PCDHA8: variants seen among roughly 807,000 people sequenced by gnomAD.
PCDHA8 encodes the protein protocadherin alpha 8, also known as protocadherin alpha-8.
A neutral mutation model predicts 61.8 loss-of-function variants in PCDHA8; 53 were observed. That is an observed-to-expected ratio of 0.86 (90% CI 0.69 to 1.08). PCDHA8 has a LOEUF of 1.08. Among genes scored for constraint, PCDHA8 ranks in the 50% least tolerant of loss-of-function variants. PCDHA8 has a pLI of 0.00. For missense variants in PCDHA8, 1,293 were observed against 1,245.0 expected, an observed-to-expected ratio of 1.04 and a Z score of -0.58; for synonymous variants, 618 against 556.6, an observed-to-expected ratio of 1.11 and a Z score of -1.55.
intron 1 of PCDHA8, chr5:140,926,333 C>G (rs1244364456): frequency 6.6e-6 from 1 of 152,288 alleles, no homozygotes; most frequent in Non-Finnish European, 1.5e-5. Context: ...GGTCAGAGCG[C>G]CGGGACCCGA....
chr5:140,875,335 C>A, intron 1 of PCDHA8: 2 of 1,438,768 alleles, frequency 1.4e-6, no homozygotes, highest in East Asian at 2.5e-5. Context: ...GGAATAGGAT[C>A]GACTCCATAA....
At chr5:140,898,133 G>T (rs2153459320) in intron 1 of PCDHA8, among the ~76,000 whole-genome samples, 1 of 152,202 alleles carries the variant, frequency 6.6e-6, no homozygotes, top group African/African-American at 2.4e-5. Flanking sequence ...CTCCCATTTT[G>T]TAGGTTGCCT....
intron 1 of PCDHA8, among the ~76,000 whole-genome samples, chr5:140,940,057 A>G (rs2092538975): frequency 6.6e-6 from 1 of 152,224 alleles, no homozygotes; most frequent in African/African-American, 2.4e-5. Flanking sequence ...TTCTTAACCA[A>G]ATATAAATAT....
At chr5:140,877,041 A>G (rs782570873) in intron 1 of PCDHA8, 15 of 1,612,586 alleles carry the variant, frequency 9.3e-6, no homozygotes, top group African/African-American at 4.0e-5. Context: ...TGCAGCCGCT[A>G]GACCACGAGG....
chr5:140,997,713 T>C (rs2097782364), intron 3 of PCDHA8, among the ~76,000 whole-genome samples: 1 of 151,942 alleles, frequency 6.6e-6, no homozygotes, highest in African/African-American at 2.4e-5. Flanking sequence ...AACAAACACC[T>C]TTCTACGTCA....
At chr5:140,983,734 G>A (rs1194473513) in intron 3 of PCDHA8, among the ~76,000 whole-genome samples, 15 of 152,170 alleles carry the variant, frequency 9.9e-5, no homozygotes, top group African/African-American at 3.4e-4. Context: ...TAACATGGCT[G>A]GCTTGCAATA....
intron 3 of PCDHA8, among the ~76,000 whole-genome samples, chr5:140,987,487 C>A (rs868928905): frequency 6.6e-6 from 1 of 152,154 alleles, no homozygotes; most frequent in Non-Finnish European, 1.5e-5. Flanking sequence ...GTCAGTGACC[C>A]TTTCTGAATT....
intron 1 of PCDHA8, among the ~76,000 whole-genome samples, chr5:140,947,509 T>C (rs1358803536): frequency 2.6e-5 from 4 of 151,722 alleles, no homozygotes; most frequent in Non-Finnish European, 4.4e-5. Flanking sequence ...AATTTTCATA[T>C]AAATTTTAGA....
intron 1 of PCDHA8, chr5:140,849,218 G>T: frequency 9.6e-7 from 1 of 1,040,734 alleles, no homozygotes; most frequent in South Asian, 1.6e-5. Context: ...ATGCCCCAGT[G>T]TTCGACAGAA....
chr5:140,917,450 G>A (rs1220183879), intron 1 of PCDHA8, among the ~76,000 whole-genome samples: 2 of 152,010 alleles, frequency 1.3e-5, no homozygotes, highest in Non-Finnish European at 2.9e-5. Context: ...CTGCAAGAGC[G>A]TTTGGCATCT....
intron 2 of PCDHA8, among the ~76,000 whole-genome samples, chr5:140,981,175 T>C (rs1350828084): frequency 6.6e-6 from 1 of 152,238 alleles, no homozygotes; most frequent in African/African-American, 2.4e-5. Context: ...TTCCCTCTAA[T>C]AGTTCAAGTT....
intron 1 of PCDHA8, chr5:140,852,649 T>C (rs1206238129): frequency 3.1e-6 from 3 of 960,206 alleles, no homozygotes; most frequent in African/African-American, 3.6e-5. Context: ...TAAACCTATC[T>C]ATATCTGTCT....
chr5:140,896,389 G>C (rs2065520134), intron 1 of PCDHA8, among the ~76,000 whole-genome samples: 1 of 152,124 alleles, frequency 6.6e-6, no homozygotes, highest in East Asian at 1.9e-4. Flanking sequence ...AACCTCACCA[G>C]CATCTGTTAT....
chr5:140,981,603 C>T (rs1213864255), intron 2 of PCDHA8, among the ~76,000 whole-genome samples: 4 of 152,052 alleles, frequency 2.6e-5, no homozygotes, highest in Non-Finnish European at 5.9e-5. Context: ...CAAAATGTTC[C>T]TCTAATTTTG....
intron 1 of PCDHA8, chr5:140,857,485 G>C (rs1554150101): frequency 6.3e-7 from 1 of 1,598,368 alleles, no homozygotes; most frequent in Non-Finnish European, 8.6e-7. Context: ...TGTCTGCGTG[G>C]GACGCGGACG....
intron 3 of PCDHA8, among the ~76,000 whole-genome samples, chr5:141,003,468 C>T (rs2098126270): frequency 6.6e-6 from 1 of 152,066 alleles, no homozygotes; most frequent in Non-Finnish European, 1.5e-5. Context: ...TGCACCACCA[C>T]AGTCTCGCTA....
intron 3 of PCDHA8, among the ~76,000 whole-genome samples, chr5:140,989,611 A>G (rs2097350612): frequency 6.6e-6 from 1 of 152,232 alleles, no homozygotes. Flanking sequence ...ACTAAAAATG[A>G]AAGTCTGTCC....
intron 2 of PCDHA8, among the ~76,000 whole-genome samples, chr5:140,981,645 A>G (rs2096941816): frequency 6.6e-6 from 1 of 152,126 alleles, no homozygotes; most frequent in Admixed American, 6.6e-5. Context: ...TTCTCTTAGG[A>G]TCCCACTTAT....
At position 140,841,998 on chromosome 5, in the gene PCDHA8, T is replaced by C. The variant is rs2150327142; in HGVS notation, c.677T>C (p.Val226Ala). 6.2e-7 allele frequency: 1 copy of C among 1,613,848 alleles called. No homozygotes were observed. Among genetic ancestry groups the C allele is most frequent in the South Asian group, 1.1e-5 (1 of 91,082 alleles). Reference protein sequence around the residue: ...DGGKPELTGTVQLLVTVLDVN... With the variant: ...DGGKPELTGTAQLLVTVLDVN... ...GGCAAACCTGAGCTCACAGGCACTG[T>C]TCAGCTGCTGGTCACAGTGCTGGAT... is the stretch of plus-strand genomic sequence containing the variant. The change falls in exon 1 of 4, where the codon GTT becomes GCT. Residue 226 changes from valine (V) to alanine (A), a missense_variant. By Grantham distance (64) the Val-to-Ala change is moderately conservative. Transcript: ENST00000531613.
Sources: gnomAD v4.1 joint callset for allele counts (sites outside exome capture counted in the v4.1 genomes callset) on GRCh38, gnomAD v4.1.1 for gene constraint, MANE v1.5 for transcripts, NCBI Gene and HGNC (gene_info 2026-07-23, HGNC 2026-07-21) for gene names.